Variants in CEP19 observed in about 807,000 individuals in gnomAD.
CEP19 encodes centrosomal protein 19.
In CEP19, 14 loss-of-function variants were observed where a neutral mutation model predicts 17.5. That is an observed-to-expected ratio of 0.80 (90% CI 0.53 to 1.25). The LOEUF (loss-of-function observed/expected upper bound fraction) is 1.25, where lower values mean the gene tolerates loss of function less well. Ranked by LOEUF, CEP19 falls within the 50% of genes most tolerant of loss-of-function variation. CEP19 has a pLI of 0.00. For missense variants in CEP19, 193 were observed against 192.0 expected (o/e 1.01, Z -0.03); for synonymous variants, 59 against 65.5 (o/e 0.90, Z 0.48).
chr3:196,707,578 C>T lies in CEP19; in HGVS notation c.465G>A (p.Trp155Ter), dbSNP rs766053526. Residue 155 changes from tryptophan to a stop codon, truncating the protein, a stop_gained, in exon 3 of 3, where the codon TGG becomes TGA. Transcript: ENST00000409690. LOFTEE classifies it high-confidence loss of function. Reference sequence around the variant, plus strand: ...AGAACTCATCAGCTGACTCTGTGTCCCAGCCACAGGACTGCAGTTGATCGT... The same window carrying T: ...AGAACTCATCAGCTGACTCTGTGTCTCAGCCACAGGACTGCAGTTGATCGT... ...PQDDQLQSCG[W>*]DTESADEF is the part of the protein sequence containing the mutation. The T allele has an allele frequency of 5.6e-6, 9 of 1,611,354 alleles. No homozygotes were observed. In the Admixed American group the frequency reaches 1.2e-4, roughly 21 times the overall value.
Position 196,712,181 on chromosome 3 carries a change from G to A in CEP19, c.-323C>T, listed in dbSNP as rs1711831318. 8.7e-6 allele frequency: 5 copies of A among 574,164 alleles called. No individual in the cohort carries two copies. The Admixed American group carries it at 9.0e-5, about 10-fold the overall frequency. The allele number at this position is 574,164 out of a possible 1,614,324, so 35.6% of individuals were successfully genotyped here. On this transcript the variant is annotated 5_prime_UTR_variant, in exon 1 of 3. Coordinates refer to ENST00000409690, the MANE Select transcript of CEP19 (RefSeq NM_032898.5). Reference sequence around the variant, plus strand: ...GGGCCGGCTGGGGGACCGGTCCACCGGCTCCCACCTCGGCGTACAGGGATT... The same window carrying A: ...GGGCCGGCTGGGGGACCGGTCCACCAGCTCCCACCTCGGCGTACAGGGATT...
intron 1 of CEP19, among the ~76,000 whole-genome samples, chr3:196,711,222 T>G (rs753120457): frequency 3.1e-4 from 47 of 152,218 alleles, no homozygotes; most frequent in Non-Finnish European, 6.3e-4. Context: ...CTATCGTCCT[T>G]GGCCCTACTC....
intron 1 of CEP19, among the ~76,000 whole-genome samples, chr3:196,709,396 T>TG (rs202178718): frequency 0.02 from 2,999 of 152,198 alleles, 43 homozygotes; most frequent in Non-Finnish European, 0.031. Context: ...TCCATGAGGG[T>TG]GGGGGGCATA....
In CEP19 at chr3:196,706,490, C is replaced by T. The variant is rs1361106499; in HGVS notation, c.*1061G>A. 3 of 152,100 alleles carry T rather than the reference C, an allele frequency of 2.0e-5. No homozygotes were observed. Among genetic ancestry groups the T allele is most frequent in the African/African-American group, 7.2e-5 (3 of 41,418 alleles). 9.4% of individuals were successfully genotyped at this position (152,100 alleles called of 1,614,324 possible). A position where few individuals can be genotyped will look rare whatever the true frequency, so the allele number is the denominator to read the frequency against. On this transcript the variant is annotated 3_prime_UTR_variant, in exon 3 of 3. Transcript: ENST00000409690. Reference sequence around the variant, plus strand: ...ATGGGTGGATTTCCCATTTTACAAACAAACCTTTTATTTATGGGAAGAGGT... The same window carrying T: ...ATGGGTGGATTTCCCATTTTACAAATAAACCTTTTATTTATGGGAAGAGGT...
In CEP19 at chr3:196,707,824, T is replaced by C. The variant is rs142077651; in HGVS notation, c.219A>G (p.Leu73=). ...ACAAGTAACCTCGTAAAAAACTGAATAGCTTCTCTAGCTGCCTCAGGGATA... is the reference window on the plus strand; with the variant it reads ...ACAAGTAACCTCGTAAAAAACTGAACAGCTTCTCTAGCTGCCTCAGGGATA... ...EQVSLRQLEK[L]FSFLRGYLSG... Residue 73 remains leucine (L), a synonymous_variant, in exon 3 of 3, where the codon CTA becomes CTG. Coordinates refer to ENST00000409690, the MANE Select transcript of CEP19 (RefSeq NM_032898.5). The C allele has an allele frequency of 8.1e-4, 1,311 of 1,614,180 alleles. 22 individuals carry two copies. The South Asian group carries it at 0.011, about 14-fold the overall frequency.
chr3:196,707,491 C>A lies in CEP19; in HGVS notation c.*60G>T. 6.6e-7 allele frequency: 1 copy of A among 1,507,826 alleles called. No individual in the cohort carries two copies. The allele number at this position is 1,507,826 out of a possible 1,614,324, so 93.4% of individuals were successfully genotyped here. A position where few individuals can be genotyped will look rare whatever the true frequency, so the allele number is the denominator to read the frequency against. ...GTATTCTTTACAGCTTCTTCCAGAA[C>A]CAGTCTGGTAATAAACATGGATATT... is the stretch of plus-strand genomic sequence containing the variant. On this transcript the variant is annotated 3_prime_UTR_variant, in exon 3 of 3. Coordinates refer to ENST00000409690, the MANE Select transcript of CEP19 (RefSeq NM_032898.5).
At chr3:196,710,743 A>G (rs1313347225) in intron 1 of CEP19, among the ~76,000 whole-genome samples, 1 of 150,846 alleles carries the variant, frequency 6.6e-6, no homozygotes, top group East Asian at 2.0e-4. Flanking sequence ...ACCAAAGGCC[A>G]AGGTGGGAGA....
At position 196,707,425 on chromosome 3, in the gene CEP19, GA is replaced by G; in HGVS notation, c.*125del. 9.4e-7 allele frequency: 1 copy of G among 1,068,744 alleles called. No homozygotes were observed. Among genetic ancestry groups the G allele is most frequent in the South Asian group, 1.6e-5 (1 of 63,462 alleles). 66.2% of individuals were successfully genotyped at this position (1,068,744 alleles called of 1,614,324 possible). ...TAGATGCTTTAAATGTCCTGGTTTT[GA>G]AAAGTAACATGGTCAATCCCCTATA... On this transcript the variant is annotated 3_prime_UTR_variant, in exon 3 of 3. Coordinates refer to ENST00000409690, the MANE Select transcript of CEP19 (RefSeq NM_032898.5).
intron 1 of CEP19, among the ~76,000 whole-genome samples, chr3:196,711,201 A>G (rs189731704): frequency 4.6e-5 from 7 of 152,300 alleles, no homozygotes; most frequent in African/African-American, 1.7e-4. Context: ...TATGAGGCTT[A>G]TAACAACAAA....
rs553967861 is a variant in CEP19 at position 196,707,199 on chromosome 3, T to A, written c.*352A>T. On this transcript the variant is annotated 3_prime_UTR_variant, in exon 3 of 3. Coordinates refer to ENST00000409690, the MANE Select transcript of CEP19 (RefSeq NM_032898.5). ...GCACCCGCCACCACGCCTGGCTAAT[T>A]TTTGTATTTTTAGTAGAGGCGAGGT... The A allele has an allele frequency of 1.7e-5, 3 of 175,136 alleles. No individual in the cohort carries two copies. Among genetic ancestry groups the A allele is most frequent in the African/African-American group, 7.1e-5 (3 of 42,106 alleles). The allele number at this position is 175,136 out of a possible 1,614,324, so 10.8% of individuals were successfully genotyped here. A position where few individuals can be genotyped will look rare whatever the true frequency, so the allele number is the denominator to read the frequency against.
intron 1 of CEP19, among the ~76,000 whole-genome samples, chr3:196,711,514 C>T (rs1711781997): frequency 6.6e-6 from 1 of 152,098 alleles, no homozygotes; most frequent in Admixed American, 6.5e-5. Context: ...TCAGTAGAGA[C>T]GGGGTTTCGC....
rs530157859 is a variant in CEP19, at chr3:196,712,159, C to T, written c.-301G>A. On this transcript the variant is annotated 5_prime_UTR_variant, in exon 1 of 3. Coordinates refer to ENST00000409690, the MANE Select transcript of CEP19 (RefSeq NM_032898.5). ...AAACACCGGGAAGCGGAGGTGGGGG[C>T]CGGCTGGGGGACCGGTCCACCGGCT... 5.3e-5 allele frequency: 30 copies of T among 570,584 alleles called. No homozygotes were observed. The highest frequency in any genetic ancestry group is 9.5e-4 in the Middle Eastern group (2 of 2,108). The allele number at this position is 570,584 out of a possible 1,614,324, so 35.3% of individuals were successfully genotyped here.
intron 1 of CEP19, among the ~76,000 whole-genome samples, chr3:196,709,189 T>C (rs1205912831): frequency 6.6e-6 from 1 of 152,202 alleles, no homozygotes; most frequent in Non-Finnish European, 1.5e-5. Flanking sequence ...GTCTTTACTA[T>C]TTATCAATTA....
rs1421226145 is a variant in CEP19 at position 196,707,165 on chromosome 3, G to C, written c.*386C>G. On this transcript the variant is annotated 3_prime_UTR_variant, in exon 3 of 3. Coordinates refer to ENST00000409690, the MANE Select transcript of CEP19 (RefSeq NM_032898.5). ...CCTGCCTCAGCCTCCTGAGTAGCCGGGATTACAGGCACCCGCCACCACGCC... is the reference window on the plus strand; with the variant it reads ...CCTGCCTCAGCCTCCTGAGTAGCCGCGATTACAGGCACCCGCCACCACGCC... 4 of 164,926 alleles carry C rather than the reference G, an allele frequency of 2.4e-5. No homozygotes were observed. The highest frequency in any genetic ancestry group is 5.2e-5 in the Non-Finnish European group (4 of 76,366). 10.2% of individuals were successfully genotyped at this position (164,926 alleles called of 1,614,324 possible).
At position 196,710,842 on chromosome 3, in the gene CEP19, T is replaced by TAAA. The variant is rs71161953; in HGVS notation, c.-71+1084_-71+1086dup. On this transcript the variant is annotated intron_variant, in intron 1 of 2. Coordinates refer to ENST00000409690, the MANE Select transcript of CEP19 (RefSeq NM_032898.5). Reference sequence around the variant, plus strand: ...CTCCAAAGCATGATACGCCTATTCTTAAAAAAAAAAAAAAAAAAAAAAAAA... The same window carrying TAAA: ...CTCCAAAGCATGATACGCCTATTCTTAAAAAAAAAAAAAAAAAAAAAAAAAAAA... Among the ~76,000 whole-genome samples, 193 of 98,198 alleles carry TAAA rather than the reference T, an allele frequency of 2.0e-3. 2 individuals carry two copies. Among genetic ancestry groups the TAAA allele is most frequent in the South Asian group, 7.5e-3 (19 of 2,532 alleles). 64.4% of individuals were successfully genotyped at this position (98,198 alleles called of 152,430 possible).
chr3:196,710,956 T>C (rs865834149), intron 1 of CEP19, among the ~76,000 whole-genome samples: 2,478 of 144,628 alleles, frequency 0.017, 80 homozygotes, highest in African/African-American at 0.057. Context: ...TTTTCTTGCT[T>C]TTTTTTTTTT....
rs71161952 is a variant in CEP19 at position 196,707,029 on chromosome 3, CTT to C, written c.*520_*521del. 5.8e-4 allele frequency: 63 copies of C among 107,962 alleles called. No individual in the cohort carries two copies. The highest frequency in any genetic ancestry group is 9.1e-4 in the South Asian group (3 of 3,312). 6.7% of individuals were successfully genotyped at this position (107,962 alleles called of 1,614,324 possible). A position where few individuals can be genotyped will look rare whatever the true frequency, so the allele number is the denominator to read the frequency against. The stretch of plus-strand genomic sequence containing the variant: ...TGACATCTTCCAGTCAGATTGTAAG[CTT>C]TTTTTTTTTTTTTTTTTTGAGATGG... On this transcript the variant is annotated 3_prime_UTR_variant, in exon 3 of 3. Transcript: ENST00000409690.
At chr3:196,707,974 C>A in intron 2 of CEP19, 62 bp from the exon 3 acceptor site, 1 of 1,521,466 alleles carries the variant, frequency 6.6e-7, no homozygotes, top group African/African-American at 1.4e-5. Flanking sequence ...ACGCCATAAA[C>A]TACTGCAACA....
In CEP19 at chr3:196,706,929, T is replaced by C. The variant is rs1711536391; in HGVS notation, c.*622A>G. On this transcript the variant is annotated 3_prime_UTR_variant, in exon 3 of 3. Coordinates refer to ENST00000409690, the MANE Select transcript of CEP19 (RefSeq NM_032898.5). ...CTCTACAGTAATATATGCTCTGGCCTTCTTTAGCCTTTATCATGCATTTGG... is the reference window on the plus strand; with the variant it reads ...CTCTACAGTAATATATGCTCTGGCCCTCTTTAGCCTTTATCATGCATTTGG... 6.6e-6 allele frequency: 1 copy of C among 152,290 alleles called. No individual in the cohort carries two copies. The highest frequency in any genetic ancestry group is 6.6e-5 in the Admixed American group (1 of 15,266). The allele number at this position is 152,290 out of a possible 1,614,324, so 9.4% of individuals were successfully genotyped here. A position where few individuals can be genotyped will look rare whatever the true frequency, so the allele number is the denominator to read the frequency against.
Sources: allele counts gnomAD v4.1 joint callset (sites outside exome capture counted in the v4.1 genomes callset), GRCh38; gene constraint gnomAD v4.1.1; transcripts MANE v1.5; gene names NCBI Gene and HGNC (gene_info 2026-07-23, HGNC 2026-07-21).